RAP1GDS1: variants seen among roughly 807,000 people sequenced by gnomAD.
RAP1GDS1 encodes RAP1, GTP-GDP dissociation stimulator 1.
A neutral mutation model predicts 71.1 loss-of-function variants in RAP1GDS1; 35 were observed. That is an observed-to-expected ratio of 0.49 (90% CI 0.38 to 0.65). The LOEUF is 0.65. RAP1GDS1 is among the 30% of genes least tolerant of loss of function. The probability of loss-of-function intolerance (pLI) is 0.00; values close to 1 mark genes in which losing one functional copy is unlikely to be tolerated. For missense variants in RAP1GDS1, 663 were observed against 706.1 expected (o/e 0.94, Z 0.69); for synonymous variants, 229 against 243.1 (o/e 0.94, Z 0.54).
intron 7 of RAP1GDS1, among the ~76,000 whole-genome samples, chr4:98,411,288 A>G (rs994662778): frequency 6.6e-6 from 1 of 152,170 alleles, no homozygotes; most frequent in Admixed American, 6.5e-5. Context: ...ATTTCAGTCA[A>G]ATTGTGAGAA....
At chr4:98,430,075 C>A (rs1750181770) in intron 12 of RAP1GDS1, among the ~76,000 whole-genome samples, 1 of 152,038 alleles carries the variant, frequency 6.6e-6, no homozygotes, top group Admixed American at 6.6e-5. Context: ...ATAGATCCCC[C>A]TTTCCCTCAT....
chr4:98,275,702 A>C (rs1724098310), intron 1 of RAP1GDS1, among the ~76,000 whole-genome samples: 1 of 152,086 alleles, frequency 6.6e-6, no homozygotes, highest in South Asian at 2.1e-4. Context: ...ACCTTTCCAC[A>C]AGACTTTTTC....
chr4:98,315,563 T>C (rs1156449375), intron 2 of RAP1GDS1, among the ~76,000 whole-genome samples: 1 of 151,652 alleles, frequency 6.6e-6, no homozygotes, highest in Non-Finnish European at 1.5e-5. Flanking sequence ...AAAGGGAGAG[T>C]ATATACAAAG....
At chr4:98,314,383 T>C (rs1375082259) in intron 2 of RAP1GDS1, among the ~76,000 whole-genome samples, 5 of 152,342 alleles carry the variant, frequency 3.3e-5, no homozygotes, top group African/African-American at 4.8e-5. Flanking sequence ...GAGAATCTTA[T>C]CAAGATTCTT....
At chr4:98,355,893 CCTT>C (rs1287911171) in intron 4 of RAP1GDS1, among the ~76,000 whole-genome samples, 2 of 152,158 alleles carry the variant, frequency 1.3e-5, no homozygotes, top group South Asian at 2.1e-4. Flanking sequence ...ATCCCAGTCT[CCTT>C]CTTGCATATA....
At chr4:98,318,606 G>T (rs912743005) in intron 2 of RAP1GDS1, among the ~76,000 whole-genome samples, 1 of 152,166 alleles carries the variant, frequency 6.6e-6, no homozygotes, top group Non-Finnish European at 1.5e-5. Flanking sequence ...GTAGCAGTAG[G>T]CTGCTATTGA....
chr4:98,372,140 C>G (rs1278961967), intron 4 of RAP1GDS1, among the ~76,000 whole-genome samples: 1 of 151,998 alleles, frequency 6.6e-6, no homozygotes, highest in Non-Finnish European at 1.5e-5. Flanking sequence ...TCACATTTAG[C>G]TCCATTACTG....
At chr4:98,320,298 G>A (rs1731621302) in intron 2 of RAP1GDS1, among the ~76,000 whole-genome samples, 1 of 152,120 alleles carries the variant, frequency 6.6e-6, no homozygotes, top group Admixed American at 6.5e-5. Context: ...GGTTGATTTG[G>A]TGGCCTAAAG....
chr4:98,295,362 T>A (rs1727584645), intron 2 of RAP1GDS1, among the ~76,000 whole-genome samples: 1 of 152,102 alleles, frequency 6.6e-6, no homozygotes, highest in South Asian at 2.1e-4. Context: ...GAATGTCTTG[T>A]TAACAATCTG....
At position 98,346,539 on chromosome 4, in the gene RAP1GDS1, T is replaced by G. The variant is rs527689372; in HGVS notation, c.235+3278T>G. Among the ~76,000 whole-genome samples the G allele has an allele frequency of 4.6e-5, 7 of 152,136 alleles. 1 individual carries two copies. The highest frequency in any genetic ancestry group is 1.4e-4 in the African/African-American group (6 of 41,514). On this transcript the variant is annotated intron_variant, in intron 3 of 14. Coordinates refer to ENST00000408927, the MANE Select transcript of RAP1GDS1 (RefSeq NM_001100427.2). ...GTGTTGGAAGCTTAACCTCCGTCAT[T>G]TTGTAAGAATGATTATTTATTTTTT... is the stretch of plus-strand genomic sequence containing the variant.
intron 12 of RAP1GDS1, among the ~76,000 whole-genome samples, chr4:98,422,192 T>G (rs1289580531): frequency 2.0e-5 from 3 of 151,824 alleles, no homozygotes; most frequent in African/African-American, 7.3e-5. Flanking sequence ...AGAGCAAGAC[T>G]CCGTCTCAAA....
chr4:98,329,722 G>C (rs573768658), intron 2 of RAP1GDS1, among the ~76,000 whole-genome samples: 6 of 147,654 alleles, frequency 4.1e-5, no homozygotes, highest in South Asian at 2.2e-4. Context: ...CCAGGAGGCA[G>C]AGGTTGCAGT....
rs141473167 is a variant in RAP1GDS1, at chr4:98,327,069, A to G, written c.113-16070A>G. Among the ~76,000 whole-genome samples the G allele has an allele frequency of 2.9e-4, 44 of 152,312 alleles. 1 individual carries two copies. In the East Asian group the frequency reaches 8.3e-3, roughly 29 times the overall value. On this transcript the variant is annotated intron_variant, in intron 2 of 14. Coordinates refer to ENST00000408927, the MANE Select transcript of RAP1GDS1 (RefSeq NM_001100427.2). Reference sequence around the variant, plus strand: ...TTACAATGATGTGATCTCTGAGCTGATAAATTCTTCTACTGGAGTACAGTA... The same window carrying G: ...TTACAATGATGTGATCTCTGAGCTGGTAAATTCTTCTACTGGAGTACAGTA...
chr4:98,400,187 G>A (rs911219142), intron 6 of RAP1GDS1, among the ~76,000 whole-genome samples: 1 of 151,834 alleles, frequency 6.6e-6, no homozygotes, highest in Non-Finnish European at 1.5e-5. Flanking sequence ...TAGAACTACT[G>A]TATGAGCCAG....
intron 4 of RAP1GDS1, among the ~76,000 whole-genome samples, chr4:98,359,171 C>T (rs1331819307): frequency 6.6e-6 from 1 of 151,892 alleles, no homozygotes; most frequent in Non-Finnish European, 1.5e-5. Context: ...GGAAAAAAAT[C>T]AACAAAAACC....
chr4:98,337,768 C>T (rs1734909364), intron 2 of RAP1GDS1, among the ~76,000 whole-genome samples: 1 of 152,014 alleles, frequency 6.6e-6, no homozygotes, highest in Admixed American at 6.6e-5. Flanking sequence ...AGAGAGGGAA[C>T]ATCATGTGCA....
intron 5 of RAP1GDS1, among the ~76,000 whole-genome samples, chr4:98,381,922 A>C (rs192881147): frequency 6.6e-6 from 1 of 151,590 alleles, no homozygotes; most frequent in Admixed American, 6.6e-5. Flanking sequence ...ATTAGTCTCA[A>C]AATTGAAACT....
chr4:98,368,336 A>G (rs1739837232), intron 4 of RAP1GDS1, among the ~76,000 whole-genome samples: 1 of 152,186 alleles, frequency 6.6e-6, no homozygotes. Flanking sequence ...GTATGTCTTT[A>G]TCAGCAGCGT....
At chr4:98,264,675 G>A (rs1194983100) in intron 1 of RAP1GDS1, among the ~76,000 whole-genome samples, 1 of 152,094 alleles carries the variant, frequency 6.6e-6, no homozygotes, top group Non-Finnish European at 1.5e-5. Context: ...AAAAGTATAA[G>A]TTATATAAAA....
Sources: allele counts gnomAD v4.1 joint callset (sites outside exome capture counted in the v4.1 genomes callset), GRCh38; gene constraint gnomAD v4.1.1; transcripts MANE v1.5; gene names NCBI Gene and HGNC (gene_info 2026-07-23, HGNC 2026-07-21).